REPS1: variants seen among roughly 807,000 people sequenced by gnomAD.
The protein encoded by REPS1 is RALBP1 associated Eps domain containing 1, also known as ralBP1-associated Eps domain-containing protein 1.
Under a neutral mutation model 100.9 loss-of-function variants are expected in REPS1, and 39 were observed. That is an observed-to-expected ratio of 0.39 (90% CI 0.30 to 0.50). The LOEUF (loss-of-function observed/expected upper bound fraction) is 0.50. REPS1 is among the 20% of genes least tolerant of loss of function. The pLI is 0.86. For synonymous variants in REPS1, 324 were observed against 340.3 expected, an observed-to-expected ratio of 0.95 and a Z score of 0.53; for missense variants, 821 against 968.5, an observed-to-expected ratio of 0.85 and a Z score of 2.02.
Position 138,987,835 on chromosome 6 carries a change from G to A in REPS1, c.-153C>T. 1.1e-6 allele frequency: 1 copy of A among 917,906 alleles called. No homozygotes were observed. Among genetic ancestry groups the A allele is most frequent in the Non-Finnish European group, 1.5e-6 (1 of 689,076 alleles). 56.9% of individuals were successfully genotyped at this position (917,906 alleles called of 1,614,324 possible). A position where few individuals can be genotyped will look rare whatever the true frequency, so the allele number is the denominator to read the frequency against. On this transcript the variant is annotated 5_prime_UTR_variant, in exon 1 of 20. Coordinates refer to ENST00000450536, the MANE Select transcript of REPS1 (RefSeq NM_001286611.2). The stretch of plus-strand genomic sequence containing the variant: ...CCTCACACGCGCCAGGTGCGCCCGA[G>A]CAACAGGGCCCGGAGGTCGCGAGGA...
At chr6:138,970,099 C>T (rs2128500477) in intron 1 of REPS1, among the ~76,000 whole-genome samples, 1 of 152,094 alleles carries the variant, frequency 6.6e-6, no homozygotes, top group African/African-American at 2.4e-5. Flanking sequence ...ATTCACTAAT[C>T]TATTCTTCAG....
chr6:138,977,886 C>T (rs1784687029), intron 1 of REPS1, among the ~76,000 whole-genome samples: 1 of 152,228 alleles, frequency 6.6e-6, no homozygotes, highest in African/African-American at 2.4e-5. Context: ...GTTCCAGTTT[C>T]TCAACAATAC....
At chr6:138,984,217 G>C (rs914080880) in intron 1 of REPS1, among the ~76,000 whole-genome samples, 1 of 151,894 alleles carries the variant, frequency 6.6e-6, no homozygotes, top group Non-Finnish European at 1.5e-5. Flanking sequence ...TGGAGTAGCT[G>C]GGATTACAGG....
intron 8 of REPS1, among the ~76,000 whole-genome samples, chr6:138,937,538 G>T (rs1188410578): frequency 6.6e-6 from 1 of 152,028 alleles, no homozygotes; most frequent in African/African-American, 2.4e-5. Flanking sequence ...AATTCGTGTT[G>T]GAAGTACTTC....
In REPS1 at chr6:138,955,457, AGTG is replaced by A. The variant is rs1202272916; in HGVS notation, c.154-7547_154-7545del. Among the ~76,000 whole-genome samples the A allele has an allele frequency of 6.6e-3, 602 of 90,720 alleles. 7 individuals carry two copies. The highest frequency in any genetic ancestry group is 7.6e-3 in the Non-Finnish European group (383 of 50,670). The allele number at this position is 90,720 out of a possible 152,430, so 59.5% of individuals were successfully genotyped here. A position where few individuals can be genotyped will look rare whatever the true frequency, so the allele number is the denominator to read the frequency against. ...TGTCTCTTTAAAAAAAAAAAAAAAA[AGTG>A]TGTGTGTGTGTGTGTGTGTGTGTGT... On this transcript the variant is annotated intron_variant, in intron 1 of 19. Transcript: ENST00000450536.
chr6:138,937,010 C>T (rs1781891291), intron 8 of REPS1, among the ~76,000 whole-genome samples: 1 of 152,132 alleles, frequency 6.6e-6, no homozygotes, highest in Non-Finnish European at 1.5e-5. Context: ...ACTTACAGTT[C>T]CACATGGCTG....
At position 138,920,056 on chromosome 6, in the gene REPS1, G is replaced by A. The variant is rs79471850; in HGVS notation, c.1528+159C>T. ...CCTGCATTGAAGCAGGAGTCAATGGGCAACCATTTATTCACTGATAGGGCA... is the reference window on the plus strand; with the variant it reads ...CCTGCATTGAAGCAGGAGTCAATGGACAACCATTTATTCACTGATAGGGCA... On this transcript the variant is annotated intron_variant, in intron 12 of 19. Coordinates refer to ENST00000450536, the MANE Select transcript of REPS1 (RefSeq NM_001286611.2). Among the ~76,000 whole-genome samples, 1,139 of 152,262 alleles carry A rather than the reference G, an allele frequency of 7.5e-3. 9 individuals carry two copies. Among genetic ancestry groups the A allele is most frequent in the African/African-American group, 0.025 (1,052 of 41,544 alleles).
chr6:138,955,058 G>A (rs1458906994), intron 1 of REPS1, among the ~76,000 whole-genome samples: 8 of 152,092 alleles, frequency 5.3e-5, no homozygotes, highest in South Asian at 2.1e-4. Flanking sequence ...TTTTCCCAGT[G>A]TTCTATTACA....
chr6:138,965,158 A>G (rs1430866460), intron 1 of REPS1, among the ~76,000 whole-genome samples: 3 of 152,108 alleles, frequency 2.0e-5, no homozygotes, highest in Non-Finnish European at 4.4e-5. Flanking sequence ...GCCAATAAAT[A>G]TTTTACTGCT....
chr6:138,973,870 G>A (rs1028412350), intron 1 of REPS1, among the ~76,000 whole-genome samples: 8 of 152,084 alleles, frequency 5.3e-5, no homozygotes, highest in African/African-American at 1.9e-4. Context: ...ATTAAGGTTA[G>A]AGATAAGCAA....
intron 2 of REPS1, among the ~76,000 whole-genome samples, chr6:138,946,493 C>G (rs553594461): frequency 6.6e-6 from 1 of 152,260 alleles, no homozygotes; most frequent in East Asian, 1.9e-4. Flanking sequence ...TGTTTAGAAC[C>G]TCCACATGAA....
chr6:138,982,802 G>A (rs1407109751), intron 1 of REPS1, among the ~76,000 whole-genome samples: 7 of 152,134 alleles, frequency 4.6e-5, no homozygotes, highest in African/African-American at 1.7e-4. Flanking sequence ...CTATTCAAAA[G>A]CAACTGTAAT....
Position 138,981,028 on chromosome 6 carries a change from A to G in REPS1, c.153+6502T>C, listed in dbSNP as rs1023414441. 5.9e-5 allele frequency among the ~76,000 whole-genome samples: 9 copies of G among 152,330 alleles called. No homozygotes were observed. The East Asian group carries it at 1.5e-3, about 26-fold the overall frequency. ...CACAGGTCAGCCTGCTCTTCCTTAA[A>G]ACTGAATTAATGTAGAAGTCCATAA... On this transcript the variant is annotated intron_variant, in intron 1 of 19. Coordinates refer to ENST00000450536, the MANE Select transcript of REPS1 (RefSeq NM_001286611.2).
At chr6:138,936,659 G>A (rs1393293590) in intron 8 of REPS1, among the ~76,000 whole-genome samples, 19 of 151,416 alleles carry the variant, frequency 1.3e-4, no homozygotes, top group Admixed American at 1.2e-3. Context: ...TTCTTAATTA[G>A]AAAGCTAATG....
chr6:138,979,193 AAAAAC>A (rs1481161036), intron 1 of REPS1, among the ~76,000 whole-genome samples: 5,972 of 139,616 alleles, frequency 0.043, 685 homozygotes, highest in African/African-American at 0.12. Context: ...AAAAAAAAAA[AAAAAC>A]AAAAAAAAAA....
intron 1 of REPS1, among the ~76,000 whole-genome samples, chr6:138,953,984 TAATA>T (rs1783210874): frequency 6.6e-6 from 1 of 152,126 alleles, no homozygotes. Context: ...ATGTGCTATA[TAATA>T]TATACCATGG....
At chr6:138,930,606 C>A (rs1781429552) in intron 8 of REPS1, among the ~76,000 whole-genome samples, 1 of 151,168 alleles carries the variant, frequency 6.6e-6, no homozygotes, top group Non-Finnish European at 1.5e-5. Context: ...TTTTTTTTTC[C>A]AGACACACAT....
chr6:138,924,374 GA>G (rs1173529592), intron 10 of REPS1, among the ~76,000 whole-genome samples: 1 of 152,126 alleles, frequency 6.6e-6, no homozygotes, highest in African/African-American at 2.4e-5. Context: ...CATAATTTTA[GA>G]CACTAGAGCT....
intron 1 of REPS1, among the ~76,000 whole-genome samples, chr6:138,979,891 A>G (rs1301651722): frequency 2.0e-5 from 3 of 152,266 alleles, no homozygotes; most frequent in African/African-American, 7.2e-5. Flanking sequence ...CAATCTTCAA[A>G]CTGACATCTC....
Sources: gnomAD v4.1 joint callset for allele counts (sites outside exome capture counted in the v4.1 genomes callset) on GRCh38, gnomAD v4.1.1 for gene constraint, MANE v1.5 for transcripts, NCBI Gene and HGNC (gene_info 2026-07-23, HGNC 2026-07-21) for gene names.